Variants in POLD1 observed in about 807,000 individuals in gnomAD.
POLD1 encodes the protein DNA polymerase delta 1, catalytic subunit, also known as DNA polymerase delta catalytic subunit.
POLD1 carries 79 observed loss-of-function variants against 129.7 expected under a neutral mutation model. The ratio of observed to expected loss-of-function variants is 0.61; its 90% confidence interval spans 0.51 to 0.73. POLD1 has a LOEUF of 0.73. POLD1 is among the 30% of genes least tolerant of loss of function. The pLI is 0.00. For missense variants in POLD1, 1,338 were observed against 1,595.8 expected, an observed-to-expected ratio of 0.84 and a Z score of 2.75; for synonymous variants, 714 against 683.3, an observed-to-expected ratio of 1.04 and a Z score of -0.70.
rs780554050 is a variant in POLD1, at chr19:50,409,573, T to TGGAC, written c.2064_2067dup (p.Gln690ThrfsTer50). The TGGAC allele has an allele frequency of 6.2e-7, 1 of 1,613,446 alleles. No homozygotes were observed. Among genetic ancestry groups the TGGAC allele is most frequent in the Non-Finnish European group, 8.5e-7 (1 of 1,180,004 alleles). On this transcript the variant is annotated frameshift_variant, in exon 17 of 27. Transcript: ENST00000440232. LOFTEE classifies it high-confidence loss of function. The surrounding 1 kb of genome is among the most constrained non-coding windows in gnomAD (Gnocchi z 5.8). ...ACCCCCTCCGGCGCCAGGTCCTGGATGGACGGCAGCTGGCGCTGAAGGTGA... is the reference window on the plus strand; with the variant it reads ...ACCCCCTCCGGCGCCAGGTCCTGGATGGACGGACGGCAGCTGGCGCTGAAGGTGA...
chr19:50,411,639 G>T (rs1277414687), intron 17 of POLD1, among the ~76,000 whole-genome samples: 1 of 152,188 alleles, frequency 6.6e-6, no homozygotes, highest in Non-Finnish European at 1.5e-5. Flanking sequence ...AGGAGTTCAA[G>T]ACCAGCCTGG....
At chr19:50,403,345 G>A in intron 9 of POLD1, 126 bp downstream of exon 9, 1 of 1,155,954 alleles carries the variant, frequency 8.7e-7, no homozygotes, top group Non-Finnish European at 1.3e-6. Context: ...TGTGGGTCTG[G>A]GTGGGCCCCT....
At chr19:50,390,070 A>G (rs6509472) in intron 1 of POLD1, among the ~76,000 whole-genome samples, 10,726 of 150,648 alleles carry the variant, frequency 0.071, 1,264 homozygotes, top group African/African-American at 0.24. Context: ...CACCACGCCC[A>G]GCTAATTTTT....
At chr19:50,416,900 C>A in intron 24 of POLD1, 145 bp from the exon 25 acceptor site, 3 of 1,067,522 alleles carry the variant, frequency 2.8e-6, no homozygotes, top group Non-Finnish European at 4.0e-6. Context: ...CCCGGGAGTT[C>A]CCCAGGGGAG....
At chr19:50,414,329 T>C (rs1343579682) in intron 19 of POLD1, among the ~76,000 whole-genome samples, 2 of 152,268 alleles carry the variant, frequency 1.3e-5, no homozygotes, top group Non-Finnish European at 2.9e-5. Context: ...CACAGCTCAC[T>C]GCAGCCTCCA....
At chr19:50,407,852 G>A (rs1057440623) in intron 14 of POLD1, among the ~76,000 whole-genome samples, 6 of 150,098 alleles carry the variant, frequency 4.0e-5, no homozygotes, top group Admixed American at 6.7e-5. Context: ...GATTATAGGC[G>A]TGAGCCACCG....
chr19:50,413,581 C>T (rs1459722785), intron 18 of POLD1, 60 bp downstream of exon 18: 12 of 1,536,816 alleles, frequency 7.8e-6, no homozygotes, highest in East Asian at 4.6e-5. Flanking sequence ...GGATGGAAGC[C>T]GGGCCGGACC....
intron 26 of POLD1, 109 bp downstream of exon 26, chr19:50,417,378 G>A (rs773003551): frequency 5.8e-5 from 40 of 688,218 alleles, no homozygotes; most frequent in Non-Finnish European, 8.5e-5. Context: ...CATCCTCCCC[G>A]CCCATCCCCT....
chr19:50,417,677 C>G (rs933475387), intron 26 of POLD1, among the ~76,000 whole-genome samples, 165 bp from the exon 27 acceptor site: 1 of 105,258 alleles, frequency 9.5e-6, no homozygotes, highest in African/African-American at 4.7e-5. Flanking sequence ...CGGCTCCCCC[C>G]CCCCACCCCC....
chr19:50,389,454 C>G (rs949799658), intron 1 of POLD1, among the ~76,000 whole-genome samples: 2 of 151,940 alleles, frequency 1.3e-5, no homozygotes, highest in African/African-American at 4.8e-5. Context: ...CAGGGATGTC[C>G]GCCTGCAGAA....
intron 19 of POLD1, among the ~76,000 whole-genome samples, 184 bp from the exon 20 acceptor site, chr19:50,414,631 C>T (rs143223792): frequency 2.6e-5 from 4 of 152,290 alleles, no homozygotes; most frequent in Non-Finnish European, 5.9e-5. Context: ...CTGGCATTGC[C>T]GAGGGGCCTC....
At chr19:50,401,687 G>A in intron 3 of POLD1, 91 bp from the exon 4 acceptor site, 1 of 1,433,700 alleles carries the variant, frequency 7.0e-7, no homozygotes, top group Non-Finnish European at 9.7e-7. Context: ...AGTGCCCCAG[G>A]CTGCAGGCCC....
At chr19:50,401,379 A>G (rs192026090) in intron 3 of POLD1, among the ~76,000 whole-genome samples, 1 of 55,040 alleles carries the variant, frequency 1.8e-5, no homozygotes, top group African/African-American at 8.4e-5. Context: ...ATATATATAT[A>G]TATATATATA....
chr19:50,402,590 G>A (rs759502680), intron 7 of POLD1, 22 bp from the exon 8 acceptor site: 56 of 1,570,450 alleles, frequency 3.6e-5, no homozygotes, highest in Admixed American at 9.5e-5. Context: ...TGCTGCCACC[G>A]CTGACCCACC....
intron 17 of POLD1, among the ~76,000 whole-genome samples, chr19:50,411,650 C>A (rs948297859): frequency 6.6e-6 from 1 of 151,990 alleles, no homozygotes; most frequent in African/African-American, 2.4e-5. Context: ...ACCAGCCTGG[C>A]CAACATGGTG....
chr19:50,387,423 A>G (rs922869033), intron 1 of POLD1, among the ~76,000 whole-genome samples: 3 of 152,126 alleles, frequency 2.0e-5, no homozygotes, highest in Non-Finnish European at 4.4e-5. Flanking sequence ...AATCTCTGTT[A>G]AGTGCTTGCT....
intron 19 of POLD1, 125 bp downstream of exon 19, chr19:50,414,004 T>C: frequency 9.5e-7 from 1 of 1,053,040 alleles, no homozygotes; most frequent in Non-Finnish European, 1.3e-6. Flanking sequence ...CTCCTGAGGC[T>C]GGGGCCTTGG....
chr19:50,403,036 A>C lies in POLD1; in HGVS notation c.971-17A>C. The C allele has an allele frequency of 6.4e-7, 1 of 1,553,266 alleles. No homozygotes were observed. Among genetic ancestry groups the C allele is most frequent in the Non-Finnish European group, 8.7e-7 (1 of 1,147,928 alleles). ...TGAGGGGCAGGAGTCAGGCCCCTGC[A>C]TCCTCCTGCCTCGCAGGCATCTTCC... On this transcript the variant is annotated splice_polypyrimidine_tract_variant and intron_variant, in intron 8 of 26. Transcript: ENST00000440232.
chr19:50,401,865 T>C lies in POLD1; in HGVS notation c.404T>C (p.Phe135Ser). Residue 135 changes from phenylalanine (F) to serine (S), a missense_variant, in exon 4 of 27, where the codon TTC (phenylalanine) becomes TCC (serine). By Grantham distance (155) the Phe-to-Ser change is radical. Around this residue, in one of 3 missense-constraint regions of POLD1, gnomAD observed 332 missense variants for 315.7 expected, o/e 1.05. Transcript: ENST00000440232. ...GCCTTCGGGGTCACCGATGAGGGGTTCTCTGTCTGCTGCCACATCCACGGC... is the reference window on the plus strand; with the variant it reads ...GCCTTCGGGGTCACCGATGAGGGGTCCTCTGTCTGCTGCCACATCCACGGC... ...LRAFGVTDEGFSVCCHIHGFA... is the reference protein window; with the variant it reads ...LRAFGVTDEGSSVCCHIHGFA... 6.2e-7 allele frequency: 1 copy of C among 1,613,940 alleles called. No homozygotes were observed. The highest frequency in any genetic ancestry group is 8.5e-7 in the Non-Finnish European group (1 of 1,179,950).
Sources: allele counts gnomAD v4.1 joint callset (sites outside exome capture counted in the v4.1 genomes callset), GRCh38; gene constraint gnomAD v4.1.1; regional missense constraint gnomAD v4.1.1; non-coding constraint Gnocchi (gnomAD v3.1); transcripts MANE v1.5; gene names NCBI Gene and HGNC (gene_info 2026-07-23, HGNC 2026-07-21).